Variants in RBM26 observed in about 807,000 individuals in gnomAD.
RBM26 encodes RNA binding motif protein 26.
In RBM26, 30 loss-of-function variants were observed where a neutral mutation model predicts 123.6. The observed-to-expected ratio is 0.24, with a 90% CI of 0.18 to 0.33. RBM26 has a LOEUF of 0.33. Among genes scored for constraint, RBM26 ranks in the 10% least tolerant of loss-of-function variants. The pLI, the probability that RBM26 is intolerant of heterozygous loss-of-function variation, is 1.00. For synonymous variants in RBM26, 400 were observed against 404.4 expected (o/e 0.99, Z 0.13); for missense variants, 947 against 1,203.6 (o/e 0.79, Z 3.15).
At chr13:79,341,551 T>A (rs907515462) in intron 17 of RBM26, among the ~76,000 whole-genome samples, 2 of 151,784 alleles carry the variant, frequency 1.3e-5, no homozygotes, top group South Asian at 4.1e-4. Context: ...AAGGTGCTAA[T>A]GAGCAATACA....
At chr13:79,358,496 G>T in intron 10 of RBM26, 63 bp from the exon 11 acceptor site, 1 of 1,292,612 alleles carries the variant, frequency 7.7e-7, no homozygotes. Context: ...AAATACAAGG[G>T]AATAAAGTTT....
intron 11 of RBM26, among the ~76,000 whole-genome samples, chr13:79,357,611 G>A (rs1348185887): frequency 1.3e-5 from 2 of 152,020 alleles, no homozygotes; most frequent in African/African-American, 4.8e-5. Flanking sequence ...AGGTATCTGG[G>A]CCCCAAAAGT....
At chr13:79,386,690 A>C (rs976362206) in intron 1 of RBM26, among the ~76,000 whole-genome samples, 2 of 143,556 alleles carry the variant, frequency 1.4e-5, no homozygotes, top group African/African-American at 5.1e-5. Context: ...TTCATAGTTG[A>C]GGAAGAATTG....
At chr13:79,314,245 G>A (rs1343047323), downstream of RBM26, 1 of 151,558 alleles carries the variant, frequency 6.6e-6, no homozygotes, top group African/African-American at 2.4e-5. Flanking sequence ...TTGCTTTAAA[G>A]GTCGTCTTCG....
chr13:79,356,378 A>AC (rs1183044514), intron 11 of RBM26, among the ~76,000 whole-genome samples: 20 of 58,748 alleles, frequency 3.4e-4, no homozygotes, highest in African/African-American at 1.4e-3. Context: ...TCAAAAAAAA[A>AC]AAAAAACAAA....
At chr13:79,345,259 G>GC (rs2139222369) in intron 14 of RBM26, among the ~76,000 whole-genome samples, 1 of 151,962 alleles carries the variant, frequency 6.6e-6, no homozygotes, top group South Asian at 2.1e-4. Context: ...TCCTTTGGTA[G>GC]CAATGCTCCT....
chr13:79,384,643 A>G (rs1242421543), intron 1 of RBM26, among the ~76,000 whole-genome samples: 1 of 152,208 alleles, frequency 6.6e-6, no homozygotes, highest in Non-Finnish European at 1.5e-5. Context: ...CCATCTAAGA[A>G]GGTCATTCTC....
At chr13:79,404,341 T>C (rs913944006) in intron 1 of RBM26, among the ~76,000 whole-genome samples, 4 of 152,176 alleles carry the variant, frequency 2.6e-5, no homozygotes, top group African/African-American at 9.7e-5. Flanking sequence ...TGGATCTGCC[T>C]GTCTCCACCA....
intron 11 of RBM26, among the ~76,000 whole-genome samples, chr13:79,356,678 T>G (rs1010534957): frequency 1.3e-5 from 2 of 152,204 alleles, no homozygotes; most frequent in African/African-American, 4.8e-5. Context: ...ATCAATTTCA[T>G]CACTATGTTT....
In RBM26 at chr13:79,327,424, C is replaced by G. The variant is rs534128809; in HGVS notation, c.2821-4962G>C. 3.9e-5 allele frequency among the ~76,000 whole-genome samples: 6 copies of G among 151,908 alleles called. No homozygotes were observed. The South Asian group carries it at 1.0e-3, about 26-fold the overall frequency. On this transcript the variant is annotated intron_variant, in intron 20 of 21. Transcript: ENST00000438737. ...AAATACTAGAAGCATTTTCATTCTG[C>G]AAAAAAGTCAGTCACTATTATTATC...
intron 1 of RBM26, among the ~76,000 whole-genome samples, chr13:79,387,194 A>G (rs1438325008): frequency 5.3e-5 from 8 of 152,144 alleles, no homozygotes; most frequent in Non-Finnish European, 1.2e-4. Context: ...CCAAACTAGA[A>G]ATAATTACAA....
chr13:79,339,573 AT>A (rs1167763827), intron 18 of RBM26, among the ~76,000 whole-genome samples: 1 of 152,116 alleles, frequency 6.6e-6, no homozygotes, highest in African/African-American at 2.4e-5. Flanking sequence ...GTAATAATAA[AT>A]TTTGAAGCTC....
chr13:79,366,539 T>G, intron 7 of RBM26, 94 bp downstream of exon 7: 1 of 1,290,918 alleles, frequency 7.7e-7, no homozygotes, highest in South Asian at 1.7e-5. Context: ...TTTTTGGGAT[T>G]CCTTTAGATA....
At chr13:79,326,268 T>C (rs758818740) in intron 20 of RBM26, among the ~76,000 whole-genome samples, 6 of 152,248 alleles carry the variant, frequency 3.9e-5, no homozygotes, top group Non-Finnish European at 8.8e-5. Context: ...TTTTAAAGTA[T>C]GCTATGGCAG....
intron 14 of RBM26, among the ~76,000 whole-genome samples, chr13:79,349,374 T>C (rs112528723): frequency 0.027 from 4,120 of 152,236 alleles, 189 homozygotes; most frequent in African/African-American, 0.094. Context: ...ACCATTCTAC[T>C]CTCTGCTTCT....
chr13:79,353,382 A>G (rs1358675674), intron 13 of RBM26, among the ~76,000 whole-genome samples, 158 bp from the exon 14 acceptor site: 1 of 152,206 alleles, frequency 6.6e-6, no homozygotes, highest in African/African-American at 2.4e-5. Flanking sequence ...CAGAAAGAAA[A>G]TATGTGGGAA....
intron 20 of RBM26, 103 bp from the exon 21 acceptor site, chr13:79,322,565 C>T (rs1021501917): frequency 1.6e-6 from 1 of 640,236 alleles, no homozygotes; most frequent in Non-Finnish European, 2.6e-6. Flanking sequence ...CTAAAGACAA[C>T]TGAAGATGGC....
At position 79,366,888 on chromosome 13, in the gene RBM26, A is replaced by C. The variant is rs1182343568; in HGVS notation, c.896-16T>G. Reference sequence around the variant, plus strand: ...AAACCCTTTTCTATGAGGAAGGAATAGTTAGAAACAAATGTCAAAAGCACT... The same window carrying C: ...AAACCCTTTTCTATGAGGAAGGAATCGTTAGAAACAAATGTCAAAAGCACT... On this transcript the variant is annotated splice_polypyrimidine_tract_variant and intron_variant, in intron 6 of 21. Coordinates refer to ENST00000438737, the MANE Select transcript of RBM26 (RefSeq NM_001366735.2). 1.3e-6 allele frequency: 2 copies of C among 1,552,832 alleles called. No individual in the cohort carries two copies. The highest frequency in any genetic ancestry group is 2.4e-5 in the South Asian group (2 of 82,970).
rs2078776970 is a variant in RBM26, at chr13:79,398,397, A to AG, written c.71+7306dup. 3.3e-5 allele frequency among the ~76,000 whole-genome samples: 5 copies of AG among 152,260 alleles called. No individual in the cohort carries two copies. The South Asian group carries it at 1.0e-3, about 32-fold the overall frequency. ...AAGATAAGGAAGTGCTAAAACATAC[A>AG]GAAAAAAAGTGCTAAATGCATTTTA... is the stretch of plus-strand genomic sequence containing the variant. On this transcript the variant is annotated intron_variant, in intron 1 of 21. Transcript: ENST00000438737.
Sources: gnomAD v4.1 joint callset for allele counts (sites outside exome capture counted in the v4.1 genomes callset) on GRCh38, gnomAD v4.1.1 for gene constraint, MANE v1.5 for transcripts, NCBI Gene and HGNC (gene_info 2026-07-23, HGNC 2026-07-21) for gene names.